DYSF: variants seen among roughly 807,000 people sequenced by gnomAD.
The protein encoded by DYSF is dysferlin, also known as dystrophy-associated fer-1-like 1.
A neutral mutation model predicts 274.9 loss-of-function variants in DYSF; 212 were observed. That is an observed-to-expected ratio of 0.77 (90% confidence interval 0.69 to 0.86). The LOEUF (loss-of-function observed/expected upper bound fraction) is 0.86. DYSF is among the 40% of genes least tolerant of loss of function. The pLI, the probability that DYSF is intolerant of heterozygous loss-of-function variation, is 0.00. For missense variants in DYSF, 2,666 were observed against 2,783.2 expected, an observed-to-expected ratio of 0.96 and a Z score of 0.95; for synonymous variants, 1,091 against 1,078.7, an observed-to-expected ratio of 1.01 and a Z score of -0.22.
rs925623903 is a variant in DYSF, at chr2:71,528,307, C to T, written c.1286C>T (p.Ala429Val). The T allele has an allele frequency of 6.2e-7, 1 of 1,613,646 alleles. No individual in the cohort carries two copies. The highest frequency in any genetic ancestry group is 1.3e-5 in the African/African-American group (1 of 74,932). ...GTGTCCCTCTTCCCAGTGGACGATG[C>T]CGTGATGGACAACGTGAAACAGATC... ...RAEDLPQMDD[A>V]VMDNVKQIFG... Residue 429 changes from alanine to valine, a missense_variant, in exon 14 of 56, where the codon GCC becomes GTC. By Grantham distance (64) the Ala-to-Val change is moderately conservative. Around this residue, in one of 3 missense-constraint regions of DYSF, gnomAD observed 794 missense variants for 777.1 expected, o/e 1.02. Coordinates refer to ENST00000410020, the MANE Select transcript of DYSF (RefSeq NM_001130987.2).
chr2:71,658,957 A>G lies in DYSF; in HGVS notation c.4835A>G (p.Gln1612Arg). Residue 1612 changes from glutamine (Q) to arginine (R), a missense_variant, in exon 44 of 56, where the codon CAG becomes CGG. This residue lies in a region of DYSF where 1,460 missense variants were observed against 1,502.1 expected (regional missense o/e 0.97). Coordinates refer to ENST00000410020, the MANE Select transcript of DYSF (RefSeq NM_001130987.2). ...PPRQFHQLAAQGPQECLVRIY... is the reference protein window; with the variant it reads ...PPRQFHQLAARGPQECLVRIY... ...AGACAGTTCCACCAGCTGGCCGCCCAGGGACCCCAGGAGTGCTTGGTCCGT... is the reference window on the plus strand; with the variant it reads ...AGACAGTTCCACCAGCTGGCCGCCCGGGGACCCCAGGAGTGCTTGGTCCGT... 1 of 1,614,108 alleles carries G rather than the reference A, an allele frequency of 6.2e-7. No homozygotes were observed. The highest frequency in any genetic ancestry group is 8.5e-7 in the Non-Finnish European group (1 of 1,180,006).
chr2:71,522,897 G>C (rs925719943), intron 12 of DYSF, among the ~76,000 whole-genome samples: 1 of 152,086 alleles, frequency 6.6e-6, no homozygotes, highest in African/African-American at 2.4e-5. Flanking sequence ...GGCCAGTCTT[G>C]TTGGTGGAAA....
intron 52 of DYSF, among the ~76,000 whole-genome samples, chr2:71,676,013 A>G (rs2095216450): frequency 6.6e-6 from 1 of 152,152 alleles, no homozygotes; most frequent in Non-Finnish European, 1.5e-5. Context: ...TATCTCCATC[A>G]TCACACTTAA....
intron 44 of DYSF, among the ~76,000 whole-genome samples, chr2:71,659,840 G>A (rs887625722): frequency 1.3e-5 from 2 of 152,222 alleles, no homozygotes; most frequent in Admixed American, 6.5e-5. Flanking sequence ...CAGGGGTGGG[G>A]CCTGATTTGC....
At chr2:71,660,750 C>G (rs2094864754) in intron 45 of DYSF, 99 bp downstream of exon 45, 1 of 1,046,148 alleles carries the variant, frequency 9.6e-7, no homozygotes, top group East Asian at 2.5e-5. Flanking sequence ...GTCCGTATCT[C>G]TTGGAGCAAA....
chr2:71,629,892 G>T (rs535587133), intron 41 of DYSF, among the ~76,000 whole-genome samples: 1 of 152,262 alleles, frequency 6.6e-6, no homozygotes, highest in East Asian at 1.9e-4. Flanking sequence ...CATCATGCAG[G>T]TTTATCTCCT....
At chr2:71,541,127 G>T (rs1307542923) in intron 17 of DYSF, among the ~76,000 whole-genome samples, 1 of 152,042 alleles carries the variant, frequency 6.6e-6, no homozygotes, top group East Asian at 1.9e-4. Flanking sequence ...TGATATCTGG[G>T]TTATGCTGGC....
chr2:71,612,461 A>G (rs1440173779), intron 38 of DYSF, among the ~76,000 whole-genome samples, 180 bp from the exon 39 acceptor site: 2 of 152,172 alleles, frequency 1.3e-5, no homozygotes, highest in African/African-American at 4.8e-5. Context: ...GCAGCATTCA[A>G]GGGGCCGACA....
intron 29 of DYSF, among the ~76,000 whole-genome samples, chr2:71,571,208 C>A (rs1019669198): frequency 1.7e-4 from 25 of 149,484 alleles, no homozygotes; most frequent in Non-Finnish European, 3.4e-4. Flanking sequence ...TCACACCCAA[C>A]ACACCCACAG....
chr2:71,464,307 A>G (rs2081406512), upstream of DYSF, among the ~76,000 whole-genome samples: 1 of 152,270 alleles, frequency 6.6e-6, no homozygotes, highest in Non-Finnish European at 1.5e-5. Context: ...AGCAGTGGAC[A>G]AAACAGACAA....
At chr2:71,644,821 T>G (rs543629443) in intron 42 of DYSF, among the ~76,000 whole-genome samples, 7 of 152,248 alleles carry the variant, frequency 4.6e-5, no homozygotes, top group African/African-American at 1.7e-4. Context: ...CCAGTCACAT[T>G]TGAATTTCAG....
chr2:71,553,754 C>CCCCCCCCCCCCACAAACCGGG, intron 20 of DYSF, 53 bp from the exon 21 acceptor site: 1 of 538,758 alleles, frequency 1.9e-6, no homozygotes, highest in Non-Finnish European at 3.4e-6. Flanking sequence ...AGCACCCCAT[C>CCCCCCCCCCCCACAAACCGGG]CCACCCGCCC....
At chr2:71,639,442 C>T (rs543664352) in intron 41 of DYSF, among the ~76,000 whole-genome samples, 6 of 152,270 alleles carry the variant, frequency 3.9e-5, no homozygotes, top group African/African-American at 1.4e-4. Context: ...TTTTACCATT[C>T]AGAGTGCCAC....
intron 1 of DYSF, among the ~76,000 whole-genome samples, chr2:71,470,546 T>C (rs1303713492): frequency 6.6e-6 from 1 of 150,988 alleles, no homozygotes; most frequent in Non-Finnish European, 1.5e-5. Context: ...TGGTGGTGGG[T>C]GCCTGTAGTC....
Position 71,564,202 on chromosome 2 carries a change from A to G in DYSF, c.2554A>G (p.Ile852Val), listed in dbSNP as rs34671418. 41,481 of 1,614,180 alleles carry G rather than the reference A, an allele frequency of 0.026. 766 individuals carry two copies. The highest frequency in any genetic ancestry group is 0.087 in the African/African-American group (6,508 of 75,034). The stretch of plus-strand genomic sequence containing the variant: ...CAAGAATTGTGGGAAGCTACAGACA[A>G]TCTTTCTGAAAGTGAGTTTTCTTTT... ...CGKNCGKLQTIFLKYPMEKVP... is the reference protein window; with the variant it reads ...CGKNCGKLQTVFLKYPMEKVP... The change falls in exon 24 of 56, where the codon ATC (isoleucine) becomes GTC (valine). Residue 852 changes from isoleucine (I) to valine (V), a missense_variant. This residue lies in a region of DYSF where 412 missense variants were observed against 504.0 expected (regional missense o/e 0.82). Transcript: ENST00000410020.
rs116677992 is a variant in DYSF at position 71,654,471 on chromosome 2, G to A, written c.4627-1691G>A. Among the ~76,000 whole-genome samples the A allele has an allele frequency of 8.6e-3, 1,316 of 152,222 alleles. 7 individuals carry two copies. The highest frequency in any genetic ancestry group is 0.021 in the African/African-American group (870 of 41,536). Reference sequence around the variant, plus strand: ...TAGGAGATTTTAAAACTCCCACACCGTATAAGTGGTTTAAAAAAATAATGT... The same window carrying A: ...TAGGAGATTTTAAAACTCCCACACCATATAAGTGGTTTAAAAAAATAATGT... On this transcript the variant is annotated intron_variant, in intron 42 of 55. Coordinates refer to ENST00000410020, the MANE Select transcript of DYSF (RefSeq NM_001130987.2).
intron 7 of DYSF, 96 bp downstream of exon 7, chr2:71,514,017 G>C: frequency 6.9e-7 from 1 of 1,439,488 alleles, no homozygotes; most frequent in South Asian, 1.2e-5. Context: ...AGGGGAAGAT[G>C]TGTGTGGGAT....
chr2:71,614,066 G>A (rs2093829392), intron 40 of DYSF, among the ~76,000 whole-genome samples: 2 of 152,320 alleles, frequency 1.3e-5, no homozygotes, highest in South Asian at 4.1e-4. Flanking sequence ...GAGCATGGCA[G>A]GAGGTCTGTG....
chr2:71,506,704 T>G (rs1291378456), intron 4 of DYSF, among the ~76,000 whole-genome samples: 3 of 152,090 alleles, frequency 2.0e-5, no homozygotes, highest in Admixed American at 6.5e-5. Flanking sequence ...AAGGTCCTGG[T>G]CCTGGGTGGG....
Sources: gnomAD v4.1 joint callset for allele counts (sites outside exome capture counted in the v4.1 genomes callset) on GRCh38, gnomAD v4.1.1 for gene constraint, gnomAD v4.1.1 regional missense constraint, MANE v1.5 for transcripts, NCBI Gene and HGNC (gene_info 2026-07-23, HGNC 2026-07-21) for gene names.